The following PDHB variants were observed in gnomAD, a reference collection of about 807,000 sequenced individuals.
PDHB encodes the protein pyruvate dehydrogenase E1 subunit beta.
A neutral mutation model predicts 42.8 loss-of-function variants in PDHB; 17 were observed. The ratio of observed to expected loss-of-function variants is 0.40; its 90% CI spans 0.27 to 0.60. The LOEUF (loss-of-function observed/expected upper bound fraction) is 0.60, where lower values mean the gene tolerates loss of function less well. Among genes scored for constraint, PDHB ranks in the 20% least tolerant of loss-of-function variants. PDHB has a pLI of 0.46. For synonymous variants in PDHB, 154 were observed against 148.7 expected (o/e 1.04, Z -0.26); for missense variants, 322 against 451.3 (o/e 0.71, Z 2.60).
At position 58,431,786 on chromosome 3, in the gene PDHB, C is replaced by G; in HGVS notation, c.212G>C (p.Arg71Pro). Reference sequence around the variant, plus strand: ...GTCTCCATATTTCTTCCACAGCCCTCGACTAACCTACAATTAAGAGTTGAT... The same window carrying G: ...GTCTCCATATTTCTTCCACAGCCCTGGACTAACCTACAATTAAGAGTTGAT... ...AQYDGAYKVS[R>P]GLWKKYGDKR... is the part of the protein sequence containing the mutation. Residue 71 changes from arginine to proline, a missense_variant, in exon 4 of 10, where the codon CGA (arginine) becomes CCA (proline). By Grantham distance (103) the Arg-to-Pro change is moderately radical. Transcript: ENST00000302746. This position sits in a 1 kb window ranked among gnomAD's most constrained non-coding sequence, Gnocchi z 4.4. 6.2e-7 allele frequency: 1 copy of G among 1,613,574 alleles called. No individual in the cohort carries two copies. The highest frequency in any genetic ancestry group is 8.5e-7 in the Non-Finnish European group (1 of 1,179,516).
intron 2 of PDHB, chr3:58,432,190 C>T: frequency 1.7e-6 from 1 of 595,976 alleles, no homozygotes; most frequent in Admixed American, 2.8e-5. Flanking sequence ...TGAGTGCTCA[C>T]TAGGTGCCAA....
Position 58,432,125 on chromosome 3 carries a change from T to C in PDHB, c.97-141A>G, listed in dbSNP as rs2062925804. 5.7e-6 allele frequency: 4 copies of C among 700,908 alleles called. No homozygotes were observed. The East Asian group carries it at 1.1e-4, about 19-fold the overall frequency. The allele number at this position is 700,908 out of a possible 1,614,324, so 43.4% of individuals were successfully genotyped here. A position where few individuals can be genotyped will look rare whatever the true frequency, so the allele number is the denominator to read the frequency against. On this transcript the variant is annotated intron_variant, in intron 2 of 9. Coordinates refer to ENST00000302746, the MANE Select transcript of PDHB (RefSeq NM_000925.4). Reference sequence around the variant, plus strand: ...AGCTTCTCTCTAAAAACTCAAAGAATTCTAAAAGTAACATTTCTATTACAC... The same window carrying C: ...AGCTTCTCTCTAAAAACTCAAAGAACTCTAAAAGTAACATTTCTATTACAC...
Position 58,428,049 on chromosome 3 carries a change from T to C in PDHB, c.1065A>G (p.Lys355=), listed in dbSNP as rs1315687521. ...CAAGTCCAAACTAAATATTTAATGT[T>C]TTCTTTATTGCAAATATGATGTCTT... The part of the protein sequence containing the change: ...QVKDIIFAIK[K]TLNI The change falls in exon 10 of 10, where the codon AAA becomes AAG. Residue 355 remains lysine (K), a synonymous_variant. Coordinates refer to ENST00000302746, the MANE Select transcript of PDHB (RefSeq NM_000925.4). 6.2e-7 allele frequency: 1 copy of C among 1,607,814 alleles called. No individual in the cohort carries two copies.
Position 58,428,003 on chromosome 3 carries a change from A to G in PDHB, c.*31T>C, listed in dbSNP as rs547747406. The G allele has an allele frequency of 3.3e-6, 5 of 1,521,932 alleles. No homozygotes were observed. The East Asian group carries it at 9.0e-5, about 27-fold the overall frequency. 94.3% of individuals were successfully genotyped at this position (1,521,932 alleles called of 1,614,324 possible). A position where few individuals can be genotyped will look rare whatever the true frequency, so the allele number is the denominator to read the frequency against. On this transcript the variant is annotated 3_prime_UTR_variant, in exon 10 of 10. Transcript: ENST00000302746. ...TGCAGTGCCAGCAAGTATTTCAAAT[A>G]AATTTCAACGACTTGATATTCAAGT...
rs774186597 is a variant in PDHB, at chr3:58,431,652, A to C, written c.268-24T>G. The C allele has an allele frequency of 2.2e-5, 36 of 1,608,728 alleles. No homozygotes were observed. In the African/African-American group the frequency reaches 4.7e-4, roughly 21 times the overall value. On this transcript the variant is annotated intron_variant, in intron 4 of 9. Transcript: ENST00000302746. The surrounding 1 kb of genome is among the most constrained non-coding windows in gnomAD (Gnocchi z 4.4). ...ATCTATAAAGTAAAATATAAACATA[A>C]GTGAAAATCCATAAAAATGAGGATA... is the stretch of plus-strand genomic sequence containing the variant.
chr3:58,432,933 A>T, intron 2 of PDHB: 1 of 152,674 alleles, frequency 6.5e-6, no homozygotes, highest in Non-Finnish European at 1.5e-5. Context: ...CAGGAGGTGG[A>T]GGTTGCAGTG....
intron 7 of PDHB, 25 bp downstream of exon 7, chr3:58,430,101 ACT>A: frequency 7.7e-7 from 1 of 1,300,896 alleles, no homozygotes; most frequent in South Asian, 1.2e-5. Flanking sequence ...GATTAAAAAT[ACT>A]GTTTATATAT....
Position 58,428,188 on chromosome 3 carries a change from A to G in PDHB, c.935-9T>C, listed in dbSNP as rs935875454. ...GAAATTGAACGCAGGACCTAGGAGAAGGAAGGCTCAACTGAGAGAGTGCAA... is the reference window on the plus strand; with the variant it reads ...GAAATTGAACGCAGGACCTAGGAGAGGGAAGGCTCAACTGAGAGAGTGCAA... On this transcript the variant is annotated splice_polypyrimidine_tract_variant and intron_variant, in intron 9 of 9. Transcript: ENST00000302746. 2 of 1,613,888 alleles carry G rather than the reference A, an allele frequency of 1.2e-6. No homozygotes were observed. Among genetic ancestry groups the G allele is most frequent in the Admixed American group, 3.3e-5 (2 of 60,018 alleles).
Position 58,430,867 on chromosome 3 carries a change from C to T in PDHB, c.379G>A (p.Ala127Thr). The part of the protein sequence containing the change: ...MQAIDQVINS[A>T]AKTYYMSGGL... ...CCAGACATGTAGTAGGTCTTGGCAG[C>T]TGAGTTTATAACCTGGTCAATGGCT... The change falls in exon 6 of 10, where the codon GCT becomes ACT. Residue 127 changes from alanine (A) to threonine (T), a missense_variant. Physicochemically the swap from Ala to Thr is moderately conservative, Grantham distance 58. Coordinates refer to ENST00000302746, the MANE Select transcript of PDHB (RefSeq NM_000925.4). 2 of 1,614,150 alleles carry T rather than the reference C, an allele frequency of 1.2e-6. No individual in the cohort carries two copies. Among genetic ancestry groups the T allele is most frequent in the Non-Finnish European group, 1.7e-6 (2 of 1,179,994 alleles).
intron 8 of PDHB, 137 bp from the exon 9 acceptor site, chr3:58,428,751 C>T: frequency 1.3e-6 from 1 of 744,846 alleles, no homozygotes; most frequent in Non-Finnish European, 2.2e-6. Flanking sequence ...AATACCTATT[C>T]ATGAATGTAC....
rs1165438796 is a variant in PDHB at position 58,427,699 on chromosome 3, TTATACA to T, written c.*329_*334del. 4.7e-6 allele frequency: 2 copies of T among 429,058 alleles called. No individual in the cohort carries two copies. Among genetic ancestry groups the T allele is most frequent in the Admixed American group, 2.7e-5 (1 of 36,392 alleles). The allele number at this position is 429,058 out of a possible 1,614,324, so 26.6% of individuals were successfully genotyped here. ...TAAATGTATATTATATGCTTTAATT[TTATACA>T]TATAAGTTATCTTGTTTGGATACAT... is the stretch of plus-strand genomic sequence containing the variant. On this transcript the variant is annotated 3_prime_UTR_variant, in exon 10 of 10. Transcript: ENST00000302746.
chr3:58,431,857 C>T lies in PDHB; in HGVS notation c.204+20G>A. On this transcript the variant is annotated intron_variant, in intron 3 of 9. Coordinates refer to ENST00000302746, the MANE Select transcript of PDHB (RefSeq NM_000925.4). The surrounding 1 kb of genome is among the most constrained non-coding windows in gnomAD (Gnocchi z 4.4). ...TAACAGTGACCTCAATTTTGTATAA[C>T]TTTCATATATTTTAGTTACCTTGTA... The T allele has an allele frequency of 1.2e-6, 2 of 1,607,942 alleles. No individual in the cohort carries two copies. The highest frequency in any genetic ancestry group is 2.2e-5 in the South Asian group (2 of 90,964).
chr3:58,431,061 T>A lies in PDHB; in HGVS notation c.304-119A>T, dbSNP rs1475057315. 1.5e-5 allele frequency: 16 copies of A among 1,060,128 alleles called. No homozygotes were observed. The highest frequency in any genetic ancestry group is 2.1e-5 in the Non-Finnish European group (15 of 705,478). 65.7% of individuals were successfully genotyped at this position (1,060,128 alleles called of 1,614,324 possible). On this transcript the variant is annotated intron_variant, in intron 5 of 9. Coordinates refer to ENST00000302746, the MANE Select transcript of PDHB (RefSeq NM_000925.4). The surrounding 1 kb of genome is among the most constrained non-coding windows in gnomAD (Gnocchi z 4.4). ...GTTTTTATTTTTTATTTTTATTTTT[T>A]ATGGACAGGGTCTCACTGTCACCCA...
chr3:58,433,391 G>A (rs2107943157), intron 2 of PDHB: 6 of 598,016 alleles, frequency 1.0e-5, no homozygotes, highest in South Asian at 2.0e-5. Flanking sequence ...ATGGAGTGAG[G>A]GAGGAAACGC....
chr3:58,428,637 T>C, intron 8 of PDHB, 23 bp from the exon 9 acceptor site: 3 of 1,602,260 alleles, frequency 1.9e-6, no homozygotes, highest in Non-Finnish European at 2.6e-6. Context: ...TATAATCAAG[T>C]TTACAGAGCT....
In PDHB at chr3:58,433,805, G is replaced by T. The variant is rs753447396; in HGVS notation, c.5C>A (p.Ala2Glu). The change falls in exon 1 of 10, where the codon GCG becomes GAG. Residue 2 changes from alanine to glutamate, a missense_variant. This residue lies in a region of PDHB where 58 missense variants were observed against 42.1 expected (regional missense o/e 1.38). Transcript: ENST00000302746. ...TCTCCGCACCAAGCCAGACACCGCC[G>T]CCATCTTGGTCGTGTCCTCTATCCG... The part of the protein sequence containing the change: M[A>E]AVSGLVRRPL... 2 of 1,610,940 alleles carry T rather than the reference G, an allele frequency of 1.2e-6. No homozygotes were observed. The highest frequency in any genetic ancestry group is 4.5e-5 in the East Asian group (2 of 44,750).
intron 8 of PDHB, among the ~76,000 whole-genome samples, chr3:58,429,495 T>C (rs2062902054): frequency 6.6e-6 from 1 of 151,444 alleles, no homozygotes. Flanking sequence ...GAGCTCCCAC[T>C]GTCTCTCAAA....
chr3:58,432,095 G>C (rs756304530), intron 2 of PDHB, 111 bp from the exon 3 acceptor site: 36 of 747,076 alleles, frequency 4.8e-5, no homozygotes, highest in Non-Finnish European at 7.2e-5. Flanking sequence ...AAAAACACTA[G>C]AACAAGCTTC....
At chr3:58,432,886 C>G (rs561421099) in intron 2 of PDHB, 2 of 152,386 alleles carry the variant, frequency 1.3e-5, no homozygotes, top group Non-Finnish European at 2.9e-5. Context: ...CTAATCACAG[C>G]TACTCAGGAG....
Sources: allele counts gnomAD v4.1 joint callset (sites outside exome capture counted in the v4.1 genomes callset), GRCh38; gene constraint gnomAD v4.1.1; regional missense constraint gnomAD v4.1.1; non-coding constraint Gnocchi (gnomAD v3.1); transcripts MANE v1.5; gene names NCBI Gene and HGNC (gene_info 2026-07-23, HGNC 2026-07-21).